Variants in SORCS2 observed in about 807,000 individuals in gnomAD.
SORCS2 encodes VPS10 domain-containing receptor SorCS2.
SORCS2 carries 100 observed loss-of-function variants against 141.6 expected under a neutral mutation model. That is an observed-to-expected ratio of 0.71 (90% CI 0.60 to 0.83). The LOEUF (loss-of-function observed/expected upper bound fraction) is 0.83. Ranked by LOEUF, SORCS2 falls within the 40% of genes least tolerant of loss-of-function variation. The pLI is 0.00. For synonymous variants in SORCS2, 789 were observed against 676.9 expected, an observed-to-expected ratio of 1.17 and a Z score of -2.57; for missense variants, 1,646 against 1,560.2, an observed-to-expected ratio of 1.05 and a Z score of -0.93.
At chr4:7,665,799 C>T (rs1396289758) in intron 7 of SORCS2, among the ~76,000 whole-genome samples, 1 of 152,228 alleles carries the variant, frequency 6.6e-6, no homozygotes, top group Non-Finnish European at 1.5e-5. Context: ...GCTCTCTGGG[C>T]AACCATCTCC....
intron 1 of SORCS2, among the ~76,000 whole-genome samples, chr4:7,279,086 C>G (rs770530093): frequency 2.0e-5 from 3 of 152,194 alleles, no homozygotes; most frequent in Non-Finnish European, 2.9e-5. Flanking sequence ...TATGGGAGAA[C>G]TGAAATCACA....
At chr4:7,692,316 G>A (rs527267185) in intron 11 of SORCS2, among the ~76,000 whole-genome samples, 48 of 152,294 alleles carry the variant, frequency 3.2e-4, no homozygotes, top group African/African-American at 1.0e-3. Context: ...CCACCCCGCC[G>A]TTCATTCCTG....
intron 1 of SORCS2, among the ~76,000 whole-genome samples, chr4:7,311,956 A>G (rs913076882): frequency 2.0e-5 from 3 of 152,044 alleles, no homozygotes; most frequent in Admixed American, 1.3e-4. Flanking sequence ...GCTCACTGCA[A>G]TTGGCGCCTC....
chr4:7,484,493 G>A (rs1210631278), intron 2 of SORCS2, among the ~76,000 whole-genome samples: 2 of 152,140 alleles, frequency 1.3e-5, no homozygotes, highest in Non-Finnish European at 2.9e-5. Flanking sequence ...CCAGTCTCTA[G>A]CAAGATTTGT....
At chr4:7,579,298 T>C (rs533110178) in intron 3 of SORCS2, among the ~76,000 whole-genome samples, 115 of 152,280 alleles carry the variant, frequency 7.6e-4, no homozygotes, top group Middle Eastern at 3.4e-3. Context: ...ATAATAACCA[T>C]ATACTGAGTA....
At chr4:7,547,362 C>T (rs911335540) in intron 3 of SORCS2, among the ~76,000 whole-genome samples, 10 of 152,222 alleles carry the variant, frequency 6.6e-5, no homozygotes, top group African/African-American at 2.4e-4. Flanking sequence ...CCCAGCTCTG[C>T]CTGGGCCACT....
chr4:7,720,664 C>T (rs982042674), intron 18 of SORCS2, among the ~76,000 whole-genome samples: 3 of 152,192 alleles, frequency 2.0e-5, no homozygotes, highest in East Asian at 1.9e-4. Flanking sequence ...GGAAACAAAC[C>T]GTCCAGTTAG....
intron 3 of SORCS2, among the ~76,000 whole-genome samples, chr4:7,617,055 C>T (rs1202746692): frequency 6.6e-6 from 1 of 152,242 alleles, no homozygotes; most frequent in Non-Finnish European, 1.5e-5. Flanking sequence ...ACATGGACCT[C>T]GTGGTGCCTG....
chr4:7,545,735 G>C (rs564276934), intron 3 of SORCS2, among the ~76,000 whole-genome samples: 1 of 152,340 alleles, frequency 6.6e-6, no homozygotes, highest in South Asian at 2.1e-4. Flanking sequence ...GTGGGCACCT[G>C]CCTGCCTTTC....
Position 7,321,744 on chromosome 4 carries a change from A to G in SORCS2, c.481-74544A>G, listed in dbSNP as rs145103857. ...ATGGCGTGGTTGAGCCCCCTGGGGG[A>G]AGAACATTGTGGGCAGGGGACAGCT... On this transcript the variant is annotated intron_variant, in intron 1 of 26. Transcript: ENST00000507866. Among the ~76,000 whole-genome samples, 730 of 152,128 alleles carry G rather than the reference A, an allele frequency of 4.8e-3. 12 individuals are homozygous for G. Among genetic ancestry groups the G allele is most frequent in the African/African-American group, 0.017 (702 of 41,486 alleles).
chr4:7,263,495 C>T (rs541194797), intron 1 of SORCS2, among the ~76,000 whole-genome samples: 213 of 152,320 alleles, frequency 1.4e-3, no homozygotes, highest in African/African-American at 4.7e-3. Context: ...GGGAAGGAGC[C>T]GGGCGTGTCC....
intron 1 of SORCS2, among the ~76,000 whole-genome samples, chr4:7,238,504 G>C (rs1278846133): frequency 2.0e-5 from 3 of 152,230 alleles, no homozygotes; most frequent in African/African-American, 7.2e-5. Context: ...GGGTGGCGCT[G>C]TGAGCTCAGA....
At chr4:7,300,884 G>A (rs761107764) in intron 1 of SORCS2, among the ~76,000 whole-genome samples, 2 of 152,170 alleles carry the variant, frequency 1.3e-5, no homozygotes, top group South Asian at 4.1e-4. Context: ...CTGGCCACTC[G>A]GCCTCTCAGG....
chr4:7,468,153 C>T (rs533576760), intron 2 of SORCS2, among the ~76,000 whole-genome samples: 23 of 152,248 alleles, frequency 1.5e-4, no homozygotes, highest in Non-Finnish European at 2.9e-4. Context: ...CTCTTCTGAG[C>T]AGGCTCTGGT....
intron 3 of SORCS2, among the ~76,000 whole-genome samples, chr4:7,546,024 C>G (rs1713235664): frequency 6.6e-6 from 1 of 152,202 alleles, no homozygotes; most frequent in Non-Finnish European, 1.5e-5. Context: ...CTGGCCTCTT[C>G]TTACCAGGGC....
intron 4 of SORCS2, among the ~76,000 whole-genome samples, chr4:7,647,342 A>G (rs577676538): frequency 6.6e-6 from 1 of 152,286 alleles, no homozygotes; most frequent in African/African-American, 2.4e-5. Context: ...AACTCCCAGG[A>G]TTGCTGAAGA....
At chr4:7,211,309 G>A (rs1275623567) in intron 1 of SORCS2, among the ~76,000 whole-genome samples, 1 of 152,118 alleles carries the variant, frequency 6.6e-6, no homozygotes, top group Non-Finnish European at 1.5e-5. Flanking sequence ...AGCCAGGAGG[G>A]AGCGTCCACG....
intron 2 of SORCS2, chr4:7,430,151 C>G (rs563386337): frequency 6.6e-6 from 1 of 152,092 alleles, no homozygotes; most frequent in African/African-American, 2.4e-5. Flanking sequence ...CTGTCCCTGA[C>G]GTGCCCCTCC....
chr4:7,589,834 C>T lies in SORCS2; in HGVS notation c.649-48494C>T, dbSNP rs1716793426. Among the ~76,000 whole-genome samples, 3 of 152,214 alleles carry T rather than the reference C, an allele frequency of 2.0e-5. No homozygotes were observed. In the South Asian group the frequency reaches 6.2e-4, roughly 32 times the overall value. On this transcript the variant is annotated intron_variant, in intron 3 of 26. Transcript: ENST00000507866. ...TTTAAGTAATGTGTCTGAGGTCACACAGCAGGGGAAATGGCAGAGCCAAAT... is the reference window on the plus strand; with the variant it reads ...TTTAAGTAATGTGTCTGAGGTCACATAGCAGGGGAAATGGCAGAGCCAAAT...
Sources: gnomAD v4.1 joint callset for allele counts (sites outside exome capture counted in the v4.1 genomes callset) on GRCh38, gnomAD v4.1.1 for gene constraint, MANE v1.5 for transcripts, NCBI Gene and HGNC (gene_info 2026-07-23, HGNC 2026-07-21) for gene names.